SLC25A19: variants seen among roughly 807,000 people sequenced by gnomAD.
SLC25A19 encodes mitochondrial thiamine pyrophosphate carrier.
Under a neutral mutation model 27.9 loss-of-function variants are expected in SLC25A19, and 18 were observed. That is an observed-to-expected ratio of 0.64 (90% CI 0.45 to 0.96). The LOEUF (loss-of-function observed/expected upper bound fraction) is 0.96. SLC25A19 is among the 40% of genes least tolerant of loss of function. SLC25A19 has a pLI of 0.00. For missense variants in SLC25A19, 371 were observed against 418.3 expected (o/e 0.89, Z 0.99); for synonymous variants, 169 against 167.1 (o/e 1.01, Z -0.09).
rs372814355 is a variant in SLC25A19 at position 75,278,595 on chromosome 17, TG to T, written c.460-261del. 2.7e-4 allele frequency among the ~76,000 whole-genome samples: 41 copies of T among 152,254 alleles called. 1 individual carries two copies. The East Asian group carries it at 7.5e-3, about 28-fold the overall frequency. On this transcript the variant is annotated intron_variant, in intron 5 of 7. Transcript: ENST00000416858. Reference sequence around the variant, plus strand: ...GTGTCCAGGAGTCACTGCAGCGTCCTGGGGAAGAGCTAAAGACGCGATGTCC... The same window carrying T: ...GTGTCCAGGAGTCACTGCAGCGTCCTGGGAAGAGCTAAAGACGCGATGTCC...
intron 7 of SLC25A19, among the ~76,000 whole-genome samples, chr17:75,276,705 T>C (rs149738227): frequency 2.2e-4 from 33 of 148,466 alleles, no homozygotes; most frequent in Admixed American, 5.4e-4. Context: ...GATGGAGTCT[T>C]GCTCTGTTGC....
rs1208990609 is a variant in SLC25A19, at chr17:75,278,314, C to T, written c.481G>A (p.Ala161Thr). 17 of 1,613,950 alleles carry T rather than the reference C, an allele frequency of 1.1e-5. No homozygotes were observed. The highest frequency in any genetic ancestry group is 2.2e-5 in the South Asian group (2 of 91,086). ...EPKVYNTLRH[A>T]VGTMYRSEGP... ...TCGCTCCTATACATGGTCCCCACGG[C>T]GTGGCGCAGCGTATTATAGACCTGG... The change falls in exon 6 of 8, where the codon GCC becomes ACC. Residue 161 changes from alanine (A) to threonine (T), a missense_variant. Coordinates refer to ENST00000416858, the MANE Select transcript of SLC25A19 (RefSeq NM_001126121.2).
rs748434013 is a variant in SLC25A19, at chr17:75,286,396, A to C, written c.196T>G (p.Ser66Ala). 10 of 1,614,172 alleles carry C rather than the reference A, an allele frequency of 6.2e-6. No individual in the cohort carries two copies. The highest frequency in any genetic ancestry group is 6.8e-6 in the Non-Finnish European group (8 of 1,180,032). Residue 66 changes from serine to alanine, a missense_variant, in exon 4 of 8, where the codon TCT (serine) becomes GCT (alanine). Physicochemically the swap from Ser to Ala is moderately conservative, Grantham distance 99. Coordinates refer to ENST00000416858, the MANE Select transcript of SLC25A19 (RefSeq NM_001126121.2). ...CCCTCCTCCTGCAGAATCTGCCTAG[A>C]GGCCTGGAGGATGCCATGGTACTTT... is the stretch of plus-strand genomic sequence containing the variant. ...SAKYHGILQA[S>A]RQILQEEGPT...
chr17:75,274,972 T>TG (rs2077835340), intron 7 of SLC25A19, among the ~76,000 whole-genome samples: 1 of 103,736 alleles, frequency 9.6e-6, no homozygotes, highest in African/African-American at 4.8e-5. Flanking sequence ...GGGATTTTGG[T>TG]CTTTTTTTTT....
In SLC25A19 at chr17:75,277,489, C is replaced by G; in HGVS notation, c.644-6G>C. On this transcript the variant is annotated splice_region_variant and splice_polypyrimidine_tract_variant and intron_variant, in intron 6 of 7. Transcript: ENST00000416858. ...AAGCAGGTTTTGGAGGTTCTCTGAA[C>G]CAGAGAAGTGGGATTGGGAGAATGG... The G allele has an allele frequency of 6.2e-7, 1 of 1,613,788 alleles. No homozygotes were observed. The highest frequency in any genetic ancestry group is 1.3e-5 in the African/African-American group (1 of 75,026).
rs552655763 is a variant in SLC25A19 at position 75,285,728 on chromosome 17, G to T, written c.288+576C>A. The stretch of plus-strand genomic sequence containing the variant: ...CCCTACCTTAAGGACTGCTGTGACA[G>T]AGTGTATGTGAAGTGCTTCCAACAG... On this transcript the variant is annotated intron_variant, in intron 4 of 7. Transcript: ENST00000416858. Among the ~76,000 whole-genome samples the T allele has an allele frequency of 2.1e-4, 32 of 152,380 alleles. No homozygotes were observed. In the Middle Eastern group the frequency reaches 0.01, roughly 49 times the overall value.
At position 75,286,641 on chromosome 17, in the gene SLC25A19, G is replaced by A. The variant is rs753574313; in HGVS notation, c.124C>T (p.Arg42Cys). The A allele has an allele frequency of 6.2e-6, 10 of 1,613,996 alleles. No individual in the cohort carries two copies. Among genetic ancestry groups the A allele is most frequent in the African/African-American group, 2.7e-5 (2 of 74,906 alleles). Residue 42 changes from arginine (R) to cysteine (C), a missense_variant, in exon 3 of 8, where the codon CGT (arginine) becomes TGT (cysteine). Arg to Cys is a radical substitution (Grantham distance 180). Coordinates refer to ENST00000416858, the MANE Select transcript of SLC25A19 (RefSeq NM_001126121.2). ...AAAAAGGGGAAGAGTACCTGGAAACGGATCTTGATGACGTCGAAGGGACTG... is the reference window on the plus strand; with the variant it reads ...AAAAAGGGGAAGAGTACCTGGAAACAGATCTTGATGACGTCGAAGGGACTG... ...LISPFDVIKIRFQLQHERLSR... is the reference protein window; with the variant it reads ...LISPFDVIKICFQLQHERLSR...
intron 7 of SLC25A19, among the ~76,000 whole-genome samples, chr17:75,274,824 G>C (rs1439271621): frequency 1.3e-5 from 2 of 152,042 alleles, no homozygotes; most frequent in African/African-American, 4.8e-5. Context: ...AGGACAAGTT[G>C]GTAAGTGGAA....
chr17:75,281,050 G>A (rs1221619700), intron 5 of SLC25A19, among the ~76,000 whole-genome samples: 1 of 151,620 alleles, frequency 6.6e-6, no homozygotes, highest in Non-Finnish European at 1.5e-5. Context: ...AAATTAGTCA[G>A]GTGTGATGGC....
intron 7 of SLC25A19, 80 bp from the exon 8 acceptor site, chr17:75,273,719 A>C (rs1298542816): frequency 7.5e-7 from 1 of 1,328,132 alleles, no homozygotes; most frequent in Non-Finnish European, 1.1e-6. Flanking sequence ...ACAGATCTTA[A>C]GAAGTACTTG....
chr17:75,277,816 C>T (rs2077930583), intron 6 of SLC25A19, among the ~76,000 whole-genome samples: 1 of 149,188 alleles, frequency 6.7e-6, no homozygotes, highest in Non-Finnish European at 1.5e-5. Flanking sequence ...CCTCCCCCTG[C>T]CCCCATCTCC....
chr17:75,275,087 T>A (rs181635704), intron 7 of SLC25A19, among the ~76,000 whole-genome samples: 1 of 144,650 alleles, frequency 6.9e-6, no homozygotes, highest in African/African-American at 2.6e-5. Context: ...CTCCTGGGCT[T>A]AAGCAATTCT....
Position 75,286,504 on chromosome 17 carries a change from A to G in SLC25A19, c.133-45T>C. The G allele has an allele frequency of 1.9e-6, 3 of 1,613,370 alleles. No homozygotes were observed. The African/African-American group carries it at 4.0e-5, about 22-fold the overall frequency. On this transcript the variant is annotated intron_variant, in intron 3 of 7. Transcript: ENST00000416858. Reference sequence around the variant, plus strand: ...AGGTCAGGACAGTGGGGTGGGCTGGAATGTGAAGGGGAACTTTCAGAAAAG... The same window carrying G: ...AGGTCAGGACAGTGGGGTGGGCTGGGATGTGAAGGGGAACTTTCAGAAAAG...
chr17:75,288,683 T>C (rs1212911977), intron 1 of SLC25A19, 92 bp from the exon 2 acceptor site: 1 of 113,388 alleles, frequency 8.8e-6, no homozygotes, highest in Admixed American at 1.1e-4. Flanking sequence ...TCCCTAAAAC[T>C]AGCCTTCAGA....
chr17:75,282,976 G>A (rs991054414), intron 5 of SLC25A19, among the ~76,000 whole-genome samples: 3 of 146,684 alleles, frequency 2.0e-5, no homozygotes, highest in African/African-American at 7.6e-5. Context: ...GCAACAGAGC[G>A]AGACTCTGTC....
In SLC25A19 at chr17:75,277,393, T is replaced by G. The variant is rs2077917286; in HGVS notation, c.734A>C (p.Gln245Pro). 6.2e-7 allele frequency: 1 copy of G among 1,613,906 alleles called. No homozygotes were observed. The highest frequency in any genetic ancestry group is 1.7e-5 in the Admixed American group (1 of 59,990). The change falls in exon 7 of 8, where the codon CAG (glutamine) becomes CCG (proline). Residue 245 changes from glutamine to proline, a missense_variant. Physicochemically the swap from Gln to Pro is moderately conservative, Grantham distance 76 (BLOSUM62 -1). Coordinates refer to ENST00000416858, the MANE Select transcript of SLC25A19 (RefSeq NM_001126121.2). ...YPLDLFKKRL[Q>P]VGGFEHARAA... ...TCTGGCATGCTCAAACCCTCCAACC[T>G]GTAGCCGCTTCTTGAAGAGGTCCAG...
In SLC25A19 at chr17:75,287,865, C is replaced by T. The variant is rs576342229; in HGVS notation, c.-39+637G>A. ...TACGCTAGCAAATGATGCTCCTGGC[C>T]AGGCACCGTGGCTCACGCCTGTAAT... On this transcript the variant is annotated intron_variant, in intron 2 of 7. Coordinates refer to ENST00000416858, the MANE Select transcript of SLC25A19 (RefSeq NM_001126121.2). Among the ~76,000 whole-genome samples the T allele has an allele frequency of 2.0e-5, 3 of 152,344 alleles. No individual in the cohort carries two copies. In the East Asian group the frequency reaches 5.8e-4, roughly 29 times the overall value.
chr17:75,283,549 G>A lies in SLC25A19; in HGVS notation c.333C>T (p.Ser111=), dbSNP rs754010071. 17 of 1,613,502 alleles carry A rather than the reference G, an allele frequency of 1.1e-5. No individual in the cohort carries two copies. The Admixed American group carries it at 1.2e-4, about 11-fold the overall frequency. ...EMLTELVHRG[S]VYDAREFSVH... is the part of the protein sequence containing the mutation. The stretch of plus-strand genomic sequence containing the variant: ...CTGAGAATTCCCGGGCGTCATACAC[G>A]CTGCCTCTGTGGACCAGCTCCGTCA... Residue 111 remains serine, a synonymous_variant, in exon 5 of 8, where the codon AGC becomes AGT. Coordinates refer to ENST00000416858, the MANE Select transcript of SLC25A19 (RefSeq NM_001126121.2).
chr17:75,286,444 G>C lies in SLC25A19; in HGVS notation c.148C>G (p.Leu50Val). The change falls in exon 4 of 8, where the codon CTG (leucine) becomes GTG (valine). Residue 50 changes from leucine (L) to valine (V), a missense_variant. Coordinates refer to ENST00000416858, the MANE Select transcript of SLC25A19 (RefSeq NM_001126121.2). ...KIRFQLQHER[L>V]SRSDPSAKYH... ...TTTGCGCTGGGGTCACTGCGAGACA[G>C]GCGCTCATGCTGAAGCTAGGAATCA... The C allele has an allele frequency of 6.2e-7, 1 of 1,614,136 alleles. No homozygotes were observed.
Sources: gnomAD v4.1 joint callset for allele counts (sites outside exome capture counted in the v4.1 genomes callset) on GRCh38, gnomAD v4.1.1 for gene constraint, MANE v1.5 for transcripts, NCBI Gene and HGNC (gene_info 2026-07-23, HGNC 2026-07-21) for gene names.